Variants in PDE7B observed in about 807,000 individuals in gnomAD.
The protein encoded by PDE7B is 3',5'-cyclic-AMP phosphodiesterase 7B.
In PDE7B, 29 loss-of-function variants were observed where a neutral mutation model predicts 56.2. The observed-to-expected ratio is 0.52, with a 90% CI of 0.38 to 0.70. The LOEUF is 0.70. Ranked by LOEUF, PDE7B falls within the 30% of genes least tolerant of loss-of-function variation. The probability of loss-of-function intolerance (pLI) is 0.00; values close to 1 mark genes in which losing one functional copy is unlikely to be tolerated. For synonymous variants in PDE7B, 197 were observed against 196.9 expected (o/e 1.00, Z 0.00); for missense variants, 490 against 565.0 (o/e 0.87, Z 1.35).
chr6:135,868,166 T>C (rs1775300485), intron 1 of PDE7B, among the ~76,000 whole-genome samples: 1 of 114,184 alleles, frequency 8.8e-6, no homozygotes, highest in Admixed American at 8.4e-5. Flanking sequence ...CAACATAGCT[T>C]TTTTTTTTTT....
intron 2 of PDE7B, among the ~76,000 whole-genome samples, chr6:136,102,896 A>C (rs1777586376): frequency 6.6e-6 from 1 of 152,218 alleles, no homozygotes; most frequent in Non-Finnish European, 1.5e-5. Context: ...TAAGCTAAAG[A>C]TGCAAGGTGA....
intron 1 of PDE7B, among the ~76,000 whole-genome samples, chr6:135,880,814 C>A (rs961772667): frequency 1.2e-4 from 18 of 152,104 alleles, no homozygotes; most frequent in Non-Finnish European, 1.6e-4. Context: ...CAGTTGTGTT[C>A]ACGGGGTGAA....
At chr6:135,865,837 T>G (rs1363863968) in intron 1 of PDE7B, among the ~76,000 whole-genome samples, 1 of 152,164 alleles carries the variant, frequency 6.6e-6, no homozygotes, top group African/African-American at 2.4e-5. Context: ...TGGCACTTAA[T>G]AAGAAGTCTG....
chr6:136,038,119 T>G, intron 2 of PDE7B: 4 of 1,318,386 alleles, frequency 3.0e-6, no homozygotes, highest in Non-Finnish European at 4.0e-6. Flanking sequence ...AGGCTTGTCT[T>G]TCCGAAGCTG....
intron 12 of PDE7B, 88 bp from the exon 13 acceptor site, chr6:136,191,526 G>A (rs1018345476): frequency 1.8e-6 from 2 of 1,102,210 alleles, no homozygotes; most frequent in Non-Finnish European, 2.7e-6. Context: ...AATTAGCCGG[G>A]CGTGGTGGGT....
chr6:136,169,464 T>C (rs954039102), intron 8 of PDE7B, among the ~76,000 whole-genome samples: 4 of 152,210 alleles, frequency 2.6e-5, no homozygotes, highest in Non-Finnish European at 2.9e-5. Flanking sequence ...CCTTTTATTC[T>C]GTCTTCAGGA....
intron 2 of PDE7B, among the ~76,000 whole-genome samples, chr6:136,015,342 T>C (rs1223615553): frequency 1.3e-5 from 2 of 152,220 alleles, no homozygotes; most frequent in Non-Finnish European, 2.9e-5. Context: ...TTCTTTGAAG[T>C]GTGAGCTATC....
intron 11 of PDE7B, among the ~76,000 whole-genome samples, chr6:136,184,438 GTTAAAT>G (rs1489352472): frequency 6.6e-5 from 10 of 152,306 alleles, no homozygotes; most frequent in African/African-American, 2.4e-4. Context: ...CATGTGACTG[GTTAAAT>G]TTAAATTAAA....
At chr6:136,147,601 A>C in intron 4 of PDE7B, 99 bp downstream of exon 4, 1 of 935,146 alleles carries the variant, frequency 1.1e-6, no homozygotes, top group Non-Finnish European at 1.7e-6. Context: ...GCCTCTGAGG[A>C]GCTCTGTGAC....
chr6:135,971,198 A>G (rs1775087646), intron 2 of PDE7B, among the ~76,000 whole-genome samples: 1 of 152,188 alleles, frequency 6.6e-6, no homozygotes, highest in African/African-American at 2.4e-5. Flanking sequence ...ATTTGGATAC[A>G]CAGACACACA....
At chr6:135,880,849 T>C (rs1456006652) in intron 1 of PDE7B, among the ~76,000 whole-genome samples, 2 of 152,216 alleles carry the variant, frequency 1.3e-5, no homozygotes, top group Non-Finnish European at 2.9e-5. Context: ...GGAAGTTGTC[T>C]GGATGCTTTC....
chr6:135,961,507 T>A (rs760648691), intron 2 of PDE7B, among the ~76,000 whole-genome samples: 13 of 152,148 alleles, frequency 8.5e-5, no homozygotes, highest in Non-Finnish European at 1.3e-4. Flanking sequence ...ATCATGATTA[T>A]CATTTAAGTA....
At chr6:136,062,117 G>T (rs1776855509) in intron 2 of PDE7B, among the ~76,000 whole-genome samples, 1 of 152,190 alleles carries the variant, frequency 6.6e-6, no homozygotes, top group African/African-American at 2.4e-5. Flanking sequence ...GAGTGGTTGT[G>T]AACTAAACCA....
chr6:136,062,298 ATAAT>A, intron 2 of PDE7B, among the ~76,000 whole-genome samples: 1 of 152,338 alleles, frequency 6.6e-6, no homozygotes, highest in African/African-American at 2.4e-5. Flanking sequence ...ACATTATGAA[ATAAT>A]TACCACAATG....
At chr6:136,173,361 T>C (rs930467851) in intron 8 of PDE7B, among the ~76,000 whole-genome samples, 5 of 152,080 alleles carry the variant, frequency 3.3e-5, no homozygotes, top group Admixed American at 1.3e-4. Flanking sequence ...TATCTACAAC[T>C]ATCTGATCTT....
chr6:136,097,881 A>G (rs1777495344), intron 2 of PDE7B: 1 of 152,140 alleles, frequency 6.6e-6, no homozygotes, highest in Non-Finnish European at 1.5e-5. Flanking sequence ...ATATGCCCCC[A>G]CAGCCTAGAT....
chr6:136,042,763 A>G (rs561778030), intron 2 of PDE7B, among the ~76,000 whole-genome samples: 14 of 152,360 alleles, frequency 9.2e-5, no homozygotes, highest in African/African-American at 3.1e-4. Flanking sequence ...ATCAAGCACA[A>G]TATAAATCAA....
intron 1 of PDE7B, among the ~76,000 whole-genome samples, chr6:135,908,788 C>T (rs1204755317): frequency 6.6e-6 from 1 of 152,012 alleles, no homozygotes. Flanking sequence ...TTGGGGAATA[C>T]CTATGTAGGT....
chr6:136,163,777 C>T (rs1778748773), intron 8 of PDE7B, among the ~76,000 whole-genome samples: 1 of 152,190 alleles, frequency 6.6e-6, no homozygotes, highest in Non-Finnish European at 1.5e-5. Flanking sequence ...AGAACAGGGG[C>T]AAAATGCCAC....
Sources: gnomAD v4.1 joint callset for allele counts (sites outside exome capture counted in the v4.1 genomes callset) on GRCh38, gnomAD v4.1.1 for gene constraint, MANE v1.5 for transcripts, NCBI Gene and HGNC (gene_info 2026-07-23, HGNC 2026-07-21) for gene names.